ADCY1: variants seen among roughly 807,000 people sequenced by gnomAD.
ADCY1 encodes the protein adenylate cyclase 1, also known as adenylate cyclase type 1.
Under a neutral mutation model 105.4 loss-of-function variants are expected in ADCY1, and 28 were observed. The observed-to-expected ratio is 0.27, with a 90% CI of 0.20 to 0.36. The LOEUF (loss-of-function observed/expected upper bound fraction) is 0.36. Among genes scored for constraint, ADCY1 ranks in the 10% least tolerant of loss-of-function variants. The pLI, the probability that ADCY1 is intolerant of heterozygous loss-of-function variation, is 1.00. For missense variants in ADCY1, 977 were observed against 1,434.2 expected (o/e 0.68, Z 5.15); for synonymous variants, 655 against 623.8 (o/e 1.05, Z -0.75).
rs201693571 is a variant in ADCY1 at position 45,657,496 on chromosome 7, G to A, written c.1149-231G>A. Among the ~76,000 whole-genome samples the A allele has an allele frequency of 2.0e-5, 3 of 152,248 alleles. No homozygotes were observed. In the East Asian group the frequency reaches 5.8e-4, roughly 29 times the overall value. ...TCTGGTGTGGACATGGTGCGAGCTG[G>A]CTGGGAGCATGGGCCAGAGCCACCC... On this transcript the variant is annotated intron_variant, in intron 5 of 19. Coordinates refer to ENST00000297323, the MANE Select transcript of ADCY1 (RefSeq NM_021116.4).
At chr7:45,697,010 C>T (rs921141146) in intron 14 of ADCY1, among the ~76,000 whole-genome samples, 3 of 152,176 alleles carry the variant, frequency 2.0e-5, no homozygotes, top group African/African-American at 7.2e-5. Flanking sequence ...AGGCCTTTCA[C>T]TGTGGCAAGA....
At chr7:45,639,145 A>G (rs144542688) in intron 4 of ADCY1, among the ~76,000 whole-genome samples, 1 of 152,302 alleles carries the variant, frequency 6.6e-6, no homozygotes, top group African/African-American at 2.4e-5. Flanking sequence ...AGTTAAACAA[A>G]CACAGAACAT....
chr7:45,710,793 G>T lies in ADCY1; in HGVS notation c.3057+141G>T. 1 of 1,173,008 alleles carries T rather than the reference G, an allele frequency of 8.5e-7. No individual in the cohort carries two copies. The highest frequency in any genetic ancestry group is 1.2e-6 in the Non-Finnish European group (1 of 862,548). 72.7% of individuals were successfully genotyped at this position (1,173,008 alleles called of 1,614,324 possible). A position where few individuals can be genotyped will look rare whatever the true frequency, so the allele number is the denominator to read the frequency against. Reference sequence around the variant, plus strand: ...AAGAGCTGCATATTTCGGTCTGTCTGCTCTGGAGGGCATCCTGGCCCGGGC... The same window carrying T: ...AAGAGCTGCATATTTCGGTCTGTCTTCTCTGGAGGGCATCCTGGCCCGGGC... On this transcript the variant is annotated intron_variant, in intron 19 of 19. Coordinates refer to ENST00000297323, the MANE Select transcript of ADCY1 (RefSeq NM_021116.4). The surrounding 1 kb of genome is among the most constrained non-coding windows in gnomAD (Gnocchi z 4.7).
intron 1 of ADCY1, among the ~76,000 whole-genome samples, chr7:45,585,609 C>T (rs1205371401): frequency 1.3e-5 from 2 of 151,952 alleles, no homozygotes; most frequent in Non-Finnish European, 1.5e-5. Flanking sequence ...CCACCACGCC[C>T]GGCTAATTTT....
chr7:45,610,762 A>G (rs1562686987), intron 3 of ADCY1, among the ~76,000 whole-genome samples: 7 of 126,612 alleles, frequency 5.5e-5, no homozygotes, highest in Admixed American at 7.7e-5. Context: ...GGAGGTGTAG[A>G]GGTGATAGTG....
intron 4 of ADCY1, among the ~76,000 whole-genome samples, chr7:45,627,876 A>C (rs1467270): frequency 0.26 from 39,987 of 152,092 alleles, 5,610 homozygotes; most frequent in East Asian, 0.55. Flanking sequence ...CAGAGCAAGC[A>C]CAAGTCTGAC....
At chr7:45,644,849 T>C (rs915556889) in intron 4 of ADCY1, among the ~76,000 whole-genome samples, 1 of 152,188 alleles carries the variant, frequency 6.6e-6, no homozygotes, top group Non-Finnish European at 1.5e-5. Context: ...GCCTCTGAGA[T>C]TAAAGACAAA....
rs1793304462 is a variant in ADCY1 at position 45,603,695 on chromosome 7, C to T, written c.790-6684C>T. On this transcript the variant is annotated intron_variant, in intron 2 of 19. Transcript: ENST00000297323. ...CATGTTCCCTTTAAATAGCCACATC[C>T]ACTTCCCTCCACAACACCTTCATTC... 2.6e-5 allele frequency among the ~76,000 whole-genome samples: 4 copies of T among 152,180 alleles called. No individual in the cohort carries two copies. In the South Asian group the frequency reaches 8.3e-4, roughly 32 times the overall value.
At chr7:45,648,903 C>A in intron 5 of ADCY1, 106 bp downstream of exon 5, 1 of 1,404,176 alleles carries the variant, frequency 7.1e-7, no homozygotes, top group Non-Finnish European at 9.7e-7. Flanking sequence ...CTCAGGGTCT[C>A]GCTTTGTCCT....
At chr7:45,652,262 T>G (rs547913543) in intron 5 of ADCY1, among the ~76,000 whole-genome samples, 1 of 152,226 alleles carries the variant, frequency 6.6e-6, no homozygotes, top group East Asian at 1.9e-4. Context: ...GACATGAGAT[T>G]TGGGTGGGGA....
At chr7:45,627,904 T>TA (rs1303348818) in intron 4 of ADCY1, among the ~76,000 whole-genome samples, 2 of 152,080 alleles carry the variant, frequency 1.3e-5, no homozygotes, top group African/African-American at 4.8e-5. Flanking sequence ...CACCAGGTGG[T>TA]AGTGAGTGTC....
intron 5 of ADCY1, among the ~76,000 whole-genome samples, chr7:45,657,340 C>T (rs1291043363): frequency 6.6e-6 from 1 of 152,274 alleles, no homozygotes; most frequent in Non-Finnish European, 1.5e-5. Context: ...GAGCAGTGGC[C>T]TCACAGAGCC....
intron 14 of ADCY1, among the ~76,000 whole-genome samples, chr7:45,690,801 T>C (rs1400791276): frequency 6.6e-6 from 1 of 152,258 alleles, no homozygotes; most frequent in Non-Finnish European, 1.5e-5. Context: ...TGGCTGGCTA[T>C]CCAGGGTGAT....
chr7:45,619,237 A>G (rs986657690), intron 3 of ADCY1, among the ~76,000 whole-genome samples: 3 of 152,114 alleles, frequency 2.0e-5, no homozygotes, highest in African/African-American at 7.2e-5. Context: ...CCACAGGGAG[A>G]GATTGGTTAA....
chr7:45,579,074 G>C (rs1242131467), intron 1 of ADCY1, among the ~76,000 whole-genome samples: 2 of 152,154 alleles, frequency 1.3e-5, no homozygotes, highest in Admixed American at 1.3e-4. Flanking sequence ...AGTTATGTCT[G>C]AGCTCTGGTT....
intron 8 of ADCY1, among the ~76,000 whole-genome samples, chr7:45,674,663 C>T (rs1386950231): frequency 2.6e-5 from 4 of 152,350 alleles, no homozygotes; most frequent in South Asian, 2.1e-4. Flanking sequence ...TGAGCCACAG[C>T]GCCCCACTGT....
At chr7:45,670,624 C>T (rs1784347827) in intron 8 of ADCY1, among the ~76,000 whole-genome samples, 1 of 152,022 alleles carries the variant, frequency 6.6e-6, no homozygotes, top group Non-Finnish European at 1.5e-5. Context: ...GTCCATCATT[C>T]CCTGATCCAG....
intron 14 of ADCY1, among the ~76,000 whole-genome samples, chr7:45,693,740 A>T (rs532684086): frequency 1.1e-3 from 168 of 149,136 alleles, no homozygotes; most frequent in African/African-American, 3.8e-3. Context: ...GATAGACTGG[A>T]TTAAGAAAAT....
At chr7:45,666,898 A>G (rs1784272500) in intron 8 of ADCY1, among the ~76,000 whole-genome samples, 1 of 152,062 alleles carries the variant, frequency 6.6e-6, no homozygotes, top group Non-Finnish European at 1.5e-5. Context: ...GCATTTTTTC[A>G]TGTGTTTTTT....
Sources: allele counts gnomAD v4.1 joint callset (sites outside exome capture counted in the v4.1 genomes callset), GRCh38; gene constraint gnomAD v4.1.1; non-coding constraint Gnocchi (gnomAD v3.1); transcripts MANE v1.5; gene names NCBI Gene and HGNC (gene_info 2026-07-23, HGNC 2026-07-21).